Variants in CCSER1 observed in about 807,000 individuals in gnomAD.
The protein encoded by CCSER1 is serine-rich coiled-coil domain-containing protein 1.
Under a neutral mutation model 82.0 loss-of-function variants are expected in CCSER1, and 41 were observed. The ratio of observed to expected loss-of-function variants is 0.50; its 90% CI spans 0.39 to 0.65. CCSER1 has a LOEUF of 0.65. CCSER1 is among the 30% of genes least tolerant of loss of function. The pLI is 0.00. For synonymous variants in CCSER1, 414 were observed against 383.9 expected (o/e 1.08, Z -0.92); for missense variants, 1,119 against 1,064.2 (o/e 1.05, Z -0.72).
At chr4:90,844,333 C>G (rs1274106622) in intron 8 of CCSER1, among the ~76,000 whole-genome samples, 1 of 152,060 alleles carries the variant, frequency 6.6e-6, no homozygotes, top group Admixed American at 6.6e-5. Context: ...ATATCTAAGC[C>G]TAAGGCATTG....
chr4:91,277,146 G>T (rs576231623), intron 10 of CCSER1, among the ~76,000 whole-genome samples: 1 of 152,058 alleles, frequency 6.6e-6, no homozygotes, highest in East Asian at 1.9e-4. Context: ...TTGGTATCAG[G>T]GTAATACTGC....
intron 1 of CCSER1, among the ~76,000 whole-genome samples, chr4:90,240,600 A>G (rs1560859797): frequency 6.6e-6 from 1 of 152,200 alleles, no homozygotes; most frequent in Non-Finnish European, 1.5e-5. Context: ...AAAGAATTCT[A>G]TCTATGATCA....
intron 4 of CCSER1, among the ~76,000 whole-genome samples, chr4:90,423,513 C>T (rs937251014): frequency 5.9e-5 from 9 of 151,450 alleles, no homozygotes; most frequent in South Asian, 4.2e-4. Context: ...TGTGAGCCAC[C>T]GCTTCTGGCT....
intron 9 of CCSER1, among the ~76,000 whole-genome samples, chr4:90,948,718 T>C (rs1439591815): frequency 6.6e-6 from 1 of 152,012 alleles, no homozygotes; most frequent in Non-Finnish European, 1.5e-5. Context: ...AAAATAGAAT[T>C]AGGTAAAATA....
chr4:91,157,924 G>A (rs75874271), intron 10 of CCSER1, among the ~76,000 whole-genome samples: 43 of 152,128 alleles, frequency 2.8e-4, no homozygotes, highest in African/African-American at 9.9e-4. Flanking sequence ...CAGGCAATAA[G>A]AGGGTCTTAT....
intron 1 of CCSER1, among the ~76,000 whole-genome samples, chr4:90,230,804 C>A (rs1258183186): frequency 6.6e-6 from 1 of 151,946 alleles, no homozygotes; most frequent in Non-Finnish European, 1.5e-5. Flanking sequence ...CCACCAATCC[C>A]ACAGAAATAC....
chr4:90,184,007 G>C (rs541599835), intron 1 of CCSER1, among the ~76,000 whole-genome samples: 33 of 152,196 alleles, frequency 2.2e-4, no homozygotes, highest in African/African-American at 7.7e-4. Context: ...ATATCATAAA[G>C]CATATCAAAA....
At chr4:91,244,682 T>A (rs1278941195) in intron 10 of CCSER1, among the ~76,000 whole-genome samples, 3 of 152,156 alleles carry the variant, frequency 2.0e-5, no homozygotes, top group Non-Finnish European at 4.4e-5. Context: ...AAGCCCAGAA[T>A]GTGAAGATGA....
rs1349526220 is a variant in CCSER1, at chr4:91,496,718, TA to T, written c.2218-101853del. ...ATTCAATATATATATATATTCAATATATAGAATATATATATATATTGAATAT... is the reference window on the plus strand; with the variant it reads ...ATTCAATATATATATATATTCAATATTAGAATATATATATATATTGAATAT... On this transcript the variant is annotated intron_variant, in intron 10 of 10. Transcript: ENST00000509176. Among the ~76,000 whole-genome samples the T allele has an allele frequency of 8.7e-3, 349 of 40,248 alleles. 104 individuals carry two copies. Among genetic ancestry groups the T allele is most frequent in the East Asian group, 0.061 (26 of 426 alleles). The allele number at this position is 40,248 out of a possible 152,430, so 26.4% of individuals were successfully genotyped here.
chr4:91,397,286 T>C (rs1578357695), intron 10 of CCSER1, among the ~76,000 whole-genome samples: 1 of 152,066 alleles, frequency 6.6e-6, no homozygotes, highest in South Asian at 2.1e-4. Flanking sequence ...TTCAGTGGTG[T>C]GGGTAAGACA....
intron 4 of CCSER1, among the ~76,000 whole-genome samples, chr4:90,420,207 A>G (rs1202592094): frequency 6.6e-6 from 1 of 151,976 alleles, no homozygotes; most frequent in African/African-American, 2.4e-5. Context: ...TGATTAATTC[A>G]TTAGTTTGAT....
chr4:91,007,034 G>T (rs1282435889), intron 9 of CCSER1, among the ~76,000 whole-genome samples: 1 of 152,292 alleles, frequency 6.6e-6, no homozygotes, highest in Non-Finnish European at 1.5e-5. Flanking sequence ...TGAAATAATT[G>T]TATGTTTTTT....
At chr4:90,628,965 T>G (rs1025544914) in intron 6 of CCSER1, among the ~76,000 whole-genome samples, 40 of 152,208 alleles carry the variant, frequency 2.6e-4, no homozygotes, top group African/African-American at 8.7e-4. Context: ...TAAATTATTT[T>G]TCTCAAGTAA....
intron 10 of CCSER1, among the ~76,000 whole-genome samples, chr4:91,534,049 G>A (rs1194729222): frequency 6.6e-6 from 1 of 151,878 alleles, no homozygotes; most frequent in Non-Finnish European, 1.5e-5. Context: ...AAATCCTCTG[G>A]CAACTGTAGA....
chr4:90,811,041 C>T (rs1758221941), intron 7 of CCSER1, among the ~76,000 whole-genome samples: 1 of 151,884 alleles, frequency 6.6e-6, no homozygotes, highest in Non-Finnish European at 1.5e-5. Context: ...ATTGTGTTAG[C>T]CAGGATGGTC....
intron 9 of CCSER1, among the ~76,000 whole-genome samples, chr4:91,021,640 TC>T: frequency 6.6e-6 from 1 of 152,270 alleles, no homozygotes; most frequent in African/African-American, 2.4e-5. Flanking sequence ...GCTGAACCAT[TC>T]AGTTACTCAA....
chr4:90,611,362 T>C (rs922973843), intron 5 of CCSER1, among the ~76,000 whole-genome samples: 32 of 152,230 alleles, frequency 2.1e-4, no homozygotes, highest in African/African-American at 7.5e-4. Flanking sequence ...GTAAATTCAG[T>C]AGATCTTTTT....
Position 90,308,372 on chromosome 4 carries a change from C to A in CCSER1, c.88C>A (p.Pro30Thr), listed in dbSNP as rs1171686919. Residue 30 changes from proline to threonine, a missense_variant, in exon 2 of 11, where the codon CCT becomes ACT. Pro to Thr is a conservative substitution (Grantham distance 38). Coordinates refer to ENST00000509176, the MANE Select transcript of CCSER1 (RefSeq NM_001145065.2). ...RSINRRHDSLPSSPSSSNTVG... is the reference protein window; with the variant it reads ...RSINRRHDSLTSSPSSSNTVG... ...TATTAACAGAAGACATGATTCTCTT[C>A]CTTCTTCACCTTCTTCCAGTAATAC... 6.2e-7 allele frequency: 1 copy of A among 1,613,590 alleles called. No homozygotes were observed. Among genetic ancestry groups the A allele is most frequent in the Non-Finnish European group, 8.5e-7 (1 of 1,179,774 alleles).
intron 9 of CCSER1, among the ~76,000 whole-genome samples, chr4:91,070,070 C>T (rs535091991): frequency 3.3e-5 from 5 of 151,850 alleles, no homozygotes; most frequent in East Asian, 1.9e-4. Context: ...CTAGAAGCTC[C>T]GCCTCCCGAG....
Sources: allele counts gnomAD v4.1 joint callset (sites outside exome capture counted in the v4.1 genomes callset), GRCh38; gene constraint gnomAD v4.1.1; transcripts MANE v1.5; gene names NCBI Gene and HGNC (gene_info 2026-07-23, HGNC 2026-07-21).